Variants in RBFOX2 observed in about 807,000 individuals in gnomAD.
RBFOX2 encodes the protein RNA binding fox-1 homolog 2, also known as RNA binding protein fox-1 homolog 2.
Under a neutral mutation model 49.1 loss-of-function variants are expected in RBFOX2, and 10 were observed. The ratio of observed to expected loss-of-function variants is 0.20; its 90% CI spans 0.13 to 0.35. The LOEUF is 0.35. Among genes scored for constraint, RBFOX2 ranks in the 10% least tolerant of loss-of-function variants. RBFOX2 has a pLI of 1.00. For synonymous variants in RBFOX2, 183 were observed against 187.4 expected, an observed-to-expected ratio of 0.98 and a Z score of 0.19; for missense variants, 323 against 486.9, an observed-to-expected ratio of 0.66 and a Z score of 3.17.
chr22:36,022,551 G>GA (rs2059284107), intron 1 of RBFOX2, among the ~76,000 whole-genome samples: 1 of 152,108 alleles, frequency 6.6e-6, no homozygotes, highest in African/African-American at 2.4e-5. Context: ...AAGACATGGG[G>GA]AAAAAAGCAA....
intron 1 of RBFOX2, among the ~76,000 whole-genome samples, chr22:35,813,972 C>T (rs1952446039): frequency 6.6e-6 from 1 of 152,192 alleles, no homozygotes; most frequent in Admixed American, 6.5e-5. Context: ...GTGCTTTATG[C>T]ACTTAATTTC....
At chr22:35,853,938 C>T (rs1171758290) in intron 1 of RBFOX2, among the ~76,000 whole-genome samples, 1 of 152,182 alleles carries the variant, frequency 6.6e-6, no homozygotes, top group Non-Finnish European at 1.5e-5. Flanking sequence ...AGGCCAGGCA[C>T]GGTGGCTCAC....
At chr22:35,804,159 TC>T (rs1289550188) in intron 2 of RBFOX2, among the ~76,000 whole-genome samples, 2 of 151,950 alleles carry the variant, frequency 1.3e-5, no homozygotes, top group African/African-American at 4.8e-5. Context: ...ATGCCCATAA[TC>T]CCAGCTACTT....
intron 1 of RBFOX2, among the ~76,000 whole-genome samples, chr22:35,870,176 A>ATT (rs772821017): frequency 6.6e-6 from 1 of 152,214 alleles, no homozygotes; most frequent in Non-Finnish European, 1.5e-5. Flanking sequence ...TTAGAGAAAC[A>ATT]ATAAAATTGG....
At chr22:35,818,620 C>A (rs911524024) in intron 1 of RBFOX2, among the ~76,000 whole-genome samples, 3 of 151,826 alleles carry the variant, frequency 2.0e-5, no homozygotes, top group Non-Finnish European at 4.4e-5. Flanking sequence ...CCTATCTCTA[C>A]AAAAAAAATT....
At chr22:35,907,066 G>A (rs548710371) in intron 1 of RBFOX2, among the ~76,000 whole-genome samples, 14 of 152,322 alleles carry the variant, frequency 9.2e-5, no homozygotes, top group East Asian at 1.9e-4. Flanking sequence ...CAGGGAAGCC[G>A]CAGAATGGTC....
At chr22:35,848,769 T>C (rs746773318) in intron 1 of RBFOX2, among the ~76,000 whole-genome samples, 2 of 152,242 alleles carry the variant, frequency 1.3e-5, no homozygotes, top group Non-Finnish European at 2.9e-5. Context: ...ATTAATTGTA[T>C]TAACTGTATT....
intron 1 of RBFOX2, among the ~76,000 whole-genome samples, chr22:35,973,314 G>A (rs896231097): frequency 6.6e-6 from 1 of 152,122 alleles, no homozygotes; most frequent in Admixed American, 6.5e-5. Context: ...TTTAAAGGCT[G>A]GCGCTATAAA....
At chr22:35,889,281 T>G (rs2046967275) in intron 1 of RBFOX2, among the ~76,000 whole-genome samples, 1 of 152,184 alleles carries the variant, frequency 6.6e-6, no homozygotes, top group Admixed American at 6.5e-5. Context: ...GCATGCAGGT[T>G]TCTCACAATA....
intron 9 of RBFOX2, chr22:35,746,763 T>C (rs975359725): frequency 2.5e-6 from 1 of 394,654 alleles, no homozygotes; most frequent in Non-Finnish European, 4.5e-6. Context: ...AGCCCTACGA[T>C]ATGCAAGGAT....
chr22:35,775,857 A>AG (rs1428786030), intron 4 of RBFOX2, among the ~76,000 whole-genome samples: 7 of 150,472 alleles, frequency 4.7e-5, no homozygotes, highest in East Asian at 3.9e-4. Context: ...AAAAAAAAAA[A>AG]AAAAGAAAAG....
intron 1 of RBFOX2, among the ~76,000 whole-genome samples, chr22:35,880,117 G>A (rs578207858): frequency 9.9e-5 from 15 of 152,112 alleles, no homozygotes; most frequent in South Asian, 2.1e-4. Context: ...ATCATGCCAC[G>A]GCACTGCAGC....
chr22:35,834,384 G>A (rs1603361386), intron 1 of RBFOX2, among the ~76,000 whole-genome samples: 1 of 152,178 alleles, frequency 6.6e-6, no homozygotes, highest in East Asian at 1.9e-4. Context: ...ATGACTATGT[G>A]CCAGGCACTG....
intron 1 of RBFOX2, chr22:35,822,827 C>CTTTTT: frequency 2.6e-6 from 1 of 389,574 alleles, no homozygotes; most frequent in Non-Finnish European, 4.9e-6. Flanking sequence ...TTTGGGTTGT[C>CTTTTT]TTTTTTTTTT....
chr22:35,990,906 AGG>A, intron 1 of RBFOX2, among the ~76,000 whole-genome samples: 1 of 152,262 alleles, frequency 6.6e-6, no homozygotes. Flanking sequence ...AGCATTGGAG[AGG>A]GGAGAGAGAG....
upstream of RBFOX2, among the ~76,000 whole-genome samples, chr22:35,963,689 T>C (rs2056391869): frequency 6.6e-6 from 1 of 152,162 alleles, no homozygotes; most frequent in South Asian, 2.1e-4. Flanking sequence ...GTTTTATATG[T>C]GTCATCGCTA....
In RBFOX2 at chr22:35,763,221, C is replaced by A. The variant is rs111599807; in HGVS notation, c.608-1753G>T. Among the ~76,000 whole-genome samples, 276 of 152,268 alleles carry A rather than the reference C, an allele frequency of 1.8e-3. 2 individuals carry two copies. The highest frequency in any genetic ancestry group is 6.5e-3 in the African/African-American group (269 of 41,546). On this transcript the variant is annotated intron_variant, in intron 6 of 11. Coordinates refer to ENST00000405409, the Ensembl canonical transcript of RBFOX2. ...TTTAGAATAATATTTTAAAAAATAA[C>A]CTTTTTCTTTCCTACCAATGCCACT...
At chr22:35,987,978 G>A (rs981121868) in intron 1 of RBFOX2, among the ~76,000 whole-genome samples, 1 of 152,162 alleles carries the variant, frequency 6.6e-6, no homozygotes, top group Non-Finnish European at 1.5e-5. Flanking sequence ...TAAATTATTT[G>A]GTGAGGTTGG....
At chr22:35,803,147 A>AACACACACACACACACACACAC (rs374346895) in intron 2 of RBFOX2, among the ~76,000 whole-genome samples, 17 of 145,758 alleles carry the variant, frequency 1.2e-4, no homozygotes, top group African/African-American at 4.0e-4. Flanking sequence ...AATTACTTAA[A>AACACACACACACACACACACAC]ACACACACAC....
Sources: gnomAD v4.1 joint callset for allele counts (sites outside exome capture counted in the v4.1 genomes callset) on GRCh38, gnomAD v4.1.1 for gene constraint, MANE v1.5 for transcripts, NCBI Gene and HGNC (gene_info 2026-07-23, HGNC 2026-07-21) for gene names.